Variants in PKHD1 observed in about 807,000 individuals in gnomAD.
PKHD1 encodes the protein fibrocystin.
PKHD1 carries 291 observed loss-of-function variants against 412.0 expected under a neutral mutation model. The observed-to-expected ratio is 0.71, with a 90% CI of 0.64 to 0.78. The LOEUF (loss-of-function observed/expected upper bound fraction) is 0.78. PKHD1 is among the 30% of genes least tolerant of loss of function. PKHD1 has a pLI of 0.00. For synonymous variants in PKHD1, 1,777 were observed against 1,821.5 expected, an observed-to-expected ratio of 0.98 and a Z score of 0.62; for missense variants, 4,825 against 4,950.7, an observed-to-expected ratio of 0.97 and a Z score of 0.76.
At chr6:51,664,408 G>T (rs1427135554) in intron 60 of PKHD1, among the ~76,000 whole-genome samples, 1 of 152,226 alleles carries the variant, frequency 6.6e-6, no homozygotes, top group Non-Finnish European at 1.5e-5. Flanking sequence ...AGTGTGTGAT[G>T]CAGAGCCCTT....
Position 51,618,785 on chromosome 6 carries a change from C to A in PKHD1, c.*296G>T. 4.6e-6 allele frequency: 2 copies of A among 432,878 alleles called. No individual in the cohort carries two copies. The highest frequency in any genetic ancestry group is 4.3e-6 in the Non-Finnish European group (1 of 233,024). 26.8% of individuals were successfully genotyped at this position (432,878 alleles called of 1,614,324 possible). On this transcript the variant is annotated 3_prime_UTR_variant, in exon 67 of 67. Transcript: ENST00000371117. ...CCTGCTGGTATAAGTCAGTATTACA[C>A]CATTATCAAGTTGTTAAAATCAGGC...
At chr6:51,895,842 T>G (rs531401400) in intron 43 of PKHD1, among the ~76,000 whole-genome samples, 1 of 151,946 alleles carries the variant, frequency 6.6e-6, no homozygotes, top group Admixed American at 6.6e-5. Flanking sequence ...GGGTGAGGCA[T>G]TGCCTCACTC....
chr6:51,999,358 TG>T (rs1252828316), intron 35 of PKHD1, among the ~76,000 whole-genome samples: 1 of 152,104 alleles, frequency 6.6e-6, no homozygotes, highest in African/African-American at 2.4e-5. Context: ...CAGGAGTTTT[TG>T]TTTTTGTTTT....
chr6:51,779,811 A>G (rs1791672586), intron 53 of PKHD1, among the ~76,000 whole-genome samples: 1 of 152,048 alleles, frequency 6.6e-6, no homozygotes, highest in African/African-American at 2.4e-5. Flanking sequence ...TACAATAATG[A>G]TACAGCAGTT....
In PKHD1 at chr6:52,048,525, A is replaced by T. The variant is rs141645484; in HGVS notation, c.2374T>A (p.Phe792Ile). ...ACTGTATTAGGAAGCTGGATGCGAAAGTGTCCTCCTAGAGGTGGACTTGTC... is the reference window on the plus strand; with the variant it reads ...ACTGTATTAGGAAGCTGGATGCGAATGTGTCCTCCTAGAGGTGGACTTGTC... ...QRTSPPLGGH[F>I]RIQLPNTVIS... is the part of the protein sequence containing the mutation. Residue 792 changes from phenylalanine (F) to isoleucine (I), a missense_variant, in exon 23 of 67, where the codon TTT becomes ATT. Transcript: ENST00000371117. 26 of 1,613,934 alleles carry T rather than the reference A, an allele frequency of 1.6e-5. No homozygotes were observed. Among genetic ancestry groups the T allele is most frequent in the Non-Finnish European group, 1.9e-5 (22 of 1,179,908 alleles).
intron 63 of PKHD1, among the ~76,000 whole-genome samples, chr6:51,642,393 G>A (rs1205164267): frequency 2.0e-5 from 3 of 152,170 alleles, no homozygotes; most frequent in Non-Finnish European, 2.9e-5. Flanking sequence ...AATGTGTAAA[G>A]TATGGAATAT....
chr6:51,833,246 A>G (rs1582937940), intron 51 of PKHD1, among the ~76,000 whole-genome samples: 1 of 152,186 alleles, frequency 6.6e-6, no homozygotes, highest in East Asian at 1.9e-4. Flanking sequence ...GGAAACAAAC[A>G]TTCTGTACTT....
chr6:52,058,571 C>T lies in PKHD1; in HGVS notation c.1264G>A (p.Ala422Thr). The T allele has an allele frequency of 1.2e-6, 2 of 1,614,166 alleles. No individual in the cohort carries two copies. Among genetic ancestry groups the T allele is most frequent in the Non-Finnish European group, 1.7e-6 (2 of 1,180,018 alleles). Reference sequence around the variant, plus strand: ...TGCTCCCAGGAGTCAAACCAGTCAGCAGTGCCGACGCTGATGGAGGCCACT... The same window carrying T: ...TGCTCCCAGGAGTCAAACCAGTCAGTAGTGCCGACGCTGATGGAGGCCACT... ...VKVASISVGT[A>T]DWFDSWEQNR... The change falls in exon 16 of 67, where the codon GCT (alanine) becomes ACT (threonine). Residue 422 changes from alanine (A) to threonine (T), a missense_variant. Ala to Thr is a moderately conservative substitution (Grantham distance 58, BLOSUM62 0). Transcript: ENST00000371117.
In PKHD1 at chr6:51,652,720, A is replaced by AGGCGCCCGCCAC. The variant is rs1193585512; in HGVS notation, c.11175-3512_11175-3501dup. On this transcript the variant is annotated intron_variant, in intron 61 of 66. Coordinates refer to ENST00000371117, the MANE Select transcript of PKHD1 (RefSeq NM_138694.4). ...CAGCCTCCCAAGTAGCTGGGACTAC[A>AGGCGCCCGCCAC]GGCGCCCGCCACTACGCCCGGCTAA... Among the ~76,000 whole-genome samples, 2 of 15,598 alleles carry AGGCGCCCGCCAC rather than the reference A, an allele frequency of 1.3e-4. 1 individual carries two copies. The highest frequency in any genetic ancestry group is 1.8e-4 in the Non-Finnish European group (2 of 11,010). 10.2% of individuals were successfully genotyped at this position (15,598 alleles called of 152,430 possible).
intron 57 of PKHD1, among the ~76,000 whole-genome samples, chr6:51,749,166 T>A (rs1343278924): frequency 1.3e-5 from 2 of 152,180 alleles, no homozygotes; most frequent in African/African-American, 4.8e-5. Context: ...TTCCTTCTGC[T>A]CAGTTGATGT....
In PKHD1 at chr6:52,026,057, G is replaced by C; in HGVS notation, c.3753C>G (p.Thr1251=). 11 of 1,614,138 alleles carry C rather than the reference G, an allele frequency of 6.8e-6. No individual in the cohort carries two copies. The highest frequency in any genetic ancestry group is 9.3e-6 in the Non-Finnish European group (11 of 1,180,026). ...CATCGGGTATCTGGGGGGCTGGCAG[G>C]GTTTCACACCAGATGCTCGCCTCCG... ...NLTEASIWCE[T]LPAPQIPDAG... is the part of the protein sequence containing the mutation. Residue 1251 remains threonine (T), a synonymous_variant, in exon 32 of 67, where the codon ACC becomes ACG. Coordinates refer to ENST00000371117, the MANE Select transcript of PKHD1 (RefSeq NM_138694.4).
chr6:51,691,456 C>T (rs1778146791), intron 60 of PKHD1, among the ~76,000 whole-genome samples: 2 of 152,004 alleles, frequency 1.3e-5, no homozygotes, highest in Admixed American at 6.6e-5. Flanking sequence ...ACATATATAC[C>T]ATGGAATACT....
chr6:51,975,947 A>C (rs1354919700), intron 35 of PKHD1: 1 of 131,918 alleles, frequency 7.6e-6, no homozygotes, highest in African/African-American at 2.8e-5. Context: ...TAACATAGCG[A>C]GACCCTTTCT....
chr6:52,072,192 G>T lies in PKHD1; in HGVS notation c.528-3C>A. The stretch of plus-strand genomic sequence containing the variant: ...CTTGAGCTTCCAAGATCACTGGGCT[G>T]GATTTAAAAAAAAATGAAAACAAAA... On this transcript the variant is annotated splice_polypyrimidine_tract_variant and splice_region_variant and intron_variant, in intron 7 of 66. Coordinates refer to ENST00000371117, the MANE Select transcript of PKHD1 (RefSeq NM_138694.4). 1 of 1,590,444 alleles carries T rather than the reference G, an allele frequency of 6.3e-7. No individual in the cohort carries two copies. The highest frequency in any genetic ancestry group is 8.6e-7 in the Non-Finnish European group (1 of 1,159,064).
Position 52,025,570 on chromosome 6 carries a change from G to A in PKHD1, c.4240C>T (p.Leu1414Phe), listed in dbSNP as rs1271807205. ...GTILTVRGLL[L>F]NSRRRSVRVD... ...CGAACTGACCTCCTTCTAGAGTTAAGAAGCAACCCCCTCACAGTAAGTATG... is the reference window on the plus strand; with the variant it reads ...CGAACTGACCTCCTTCTAGAGTTAAAAAGCAACCCCCTCACAGTAAGTATG... Residue 1414 changes from leucine (L) to phenylalanine (F), a missense_variant, in exon 32 of 67, where the codon CTT becomes TTT. Leu to Phe is a conservative substitution (Grantham distance 22). Coordinates refer to ENST00000371117, the MANE Select transcript of PKHD1 (RefSeq NM_138694.4). 5 of 1,614,076 alleles carry A rather than the reference G, an allele frequency of 3.1e-6. No homozygotes were observed. Among genetic ancestry groups the A allele is most frequent in the Non-Finnish European group, 4.2e-6 (5 of 1,180,056 alleles).
intron 43 of PKHD1, among the ~76,000 whole-genome samples, chr6:51,902,389 G>T (rs1216288692): frequency 6.6e-6 from 1 of 152,096 alleles, no homozygotes; most frequent in Non-Finnish European, 1.5e-5. Flanking sequence ...CCTGGATCTG[G>T]GATCTGGGTT....
At chr6:51,955,475 T>C (rs930358481) in intron 36 of PKHD1, among the ~76,000 whole-genome samples, 2 of 151,994 alleles carry the variant, frequency 1.3e-5, no homozygotes, top group Non-Finnish European at 2.9e-5. Flanking sequence ...AAGAAAAAAA[T>C]GTCAATTCTA....
At chr6:52,064,789 G>C (rs1338894830) in intron 13 of PKHD1, among the ~76,000 whole-genome samples, 166 bp downstream of exon 13, 1 of 151,188 alleles carries the variant, frequency 6.6e-6, no homozygotes, top group East Asian at 2.0e-4. Flanking sequence ...AAAGCTAAGA[G>C]CCTTCCTGAA....
intron 15 of PKHD1, among the ~76,000 whole-genome samples, 167 bp downstream of exon 15, chr6:52,059,761 A>ACT (rs1808394248): frequency 1.3e-5 from 2 of 152,248 alleles, no homozygotes; most frequent in Admixed American, 1.3e-4. Context: ...CTCAATAAAT[A>ACT]GTACGTTCAC....
Sources: gnomAD v4.1 joint callset for allele counts (sites outside exome capture counted in the v4.1 genomes callset) on GRCh38, gnomAD v4.1.1 for gene constraint, MANE v1.5 for transcripts, NCBI Gene and HGNC (gene_info 2026-07-23, HGNC 2026-07-21) for gene names.